The following FAM228B variants were observed in gnomAD, a reference collection of about 807,000 sequenced individuals.
FAM228B encodes protein FAM228B.
Under a neutral mutation model 42.6 loss-of-function variants are expected in FAM228B, and 38 were observed. The ratio of observed to expected loss-of-function variants is 0.89; its 90% CI spans 0.69 to 1.17. The LOEUF (loss-of-function observed/expected upper bound fraction) is 1.17. FAM228B is among the 50% of genes most tolerant of loss of function. The pLI, the probability that FAM228B is intolerant of heterozygous loss-of-function variation, is 0.00. For missense variants in FAM228B, 344 were observed against 367.3 expected (o/e 0.94, Z 0.52); for synonymous variants, 109 against 122.3 (o/e 0.89, Z 0.72).
chr2:24,135,067 C>A, intron 2 of FAM228B, 52 bp from the exon 3 acceptor site: 1 of 1,101,518 alleles, frequency 9.1e-7, no homozygotes, highest in Non-Finnish European at 1.3e-6. Context: ...TTCCAGATAG[C>A]ACTAATAGTT....
intron 2 of FAM228B, among the ~76,000 whole-genome samples, chr2:24,132,660 T>C (rs1220626078): frequency 6.6e-6 from 1 of 152,004 alleles, no homozygotes; most frequent in Non-Finnish European, 1.5e-5. Context: ...CCATTGATTG[T>C]TTTTTTCTTA....
At chr2:24,086,186 G>A (rs896772290) in intron 2 of FAM228B, among the ~76,000 whole-genome samples, 14 of 134,484 alleles carry the variant, frequency 1.0e-4, no homozygotes, top group Admixed American at 2.4e-4. Context: ...AGTGAGCCGA[G>A]ATCGCACCAC....
chr2:24,091,209 G>A (rs905273799), intron 2 of FAM228B, among the ~76,000 whole-genome samples: 11 of 152,120 alleles, frequency 7.2e-5, no homozygotes, highest in Admixed American at 2.6e-4. Flanking sequence ...TTTGGGAGGC[G>A]GATGACGAGG....
At chr2:24,124,297 GA>G in intron 1 of FAM228B, 32 bp from the exon 2 acceptor site, 1 of 1,085,488 alleles carries the variant, frequency 9.2e-7, no homozygotes, top group Non-Finnish European at 1.3e-6. Context: ...AGATGACTGT[GA>G]AATGTTCAAT....
At chr2:24,092,106 TC>T (rs1665403262) in intron 2 of FAM228B, among the ~76,000 whole-genome samples, 1 of 148,446 alleles carries the variant, frequency 6.7e-6, no homozygotes, top group Non-Finnish European at 1.5e-5. Flanking sequence ...TGCCTGTAGT[TC>T]CAGCTACTTG....
At position 24,084,428 on chromosome 2, in the gene FAM228B, T is replaced by A; in HGVS notation, c.-210+3473T>A. 1 of 1,365,996 alleles carries A rather than the reference T, an allele frequency of 7.3e-7. No individual in the cohort carries two copies. The highest frequency in any genetic ancestry group is 9.6e-7 in the Non-Finnish European group (1 of 1,038,114). The allele number at this position is 1,365,996 out of a possible 1,614,324, so 84.6% of individuals were successfully genotyped here. A position where few individuals can be genotyped will look rare whatever the true frequency, so the allele number is the denominator to read the frequency against. Reference sequence around the variant, plus strand: ...GGACAGGACAGGGCAGGGGCCGCTGTATCCTCGCGGAGCAGCCCAGCCTCA... The same window carrying A: ...GGACAGGACAGGGCAGGGGCCGCTGAATCCTCGCGGAGCAGCCCAGCCTCA... On this transcript the variant is annotated intron_variant, in intron 2 of 10. Coordinates refer to the FAM228B transcript ENST00000613899. This position sits in a 1 kb window ranked among gnomAD's most constrained non-coding sequence, Gnocchi z 8.4.
In FAM228B at chr2:24,154,155, A is replaced by AGG. The variant is rs1558392691; in HGVS notation, c.686+7069_686+7070insGG. The stretch of plus-strand genomic sequence containing the variant: ...GCCTCTTTTAGTGATATGAAGTTAA[A>AGG]ACGAGGTACTGTGATTGCTCACCTG... On this transcript the variant is annotated intron_variant, in intron 7 of 10. Coordinates refer to ENST00000615575, the MANE Select transcript of FAM228B (RefSeq NM_001145710.2). Among the ~76,000 whole-genome samples, 14 of 152,346 alleles carry AGG rather than the reference A, an allele frequency of 9.2e-5. 1 individual carries two copies. Among genetic ancestry groups the AGG allele is most frequent in the African/African-American group, 3.4e-4 (14 of 41,580 alleles).
intron 2 of FAM228B, among the ~76,000 whole-genome samples, chr2:24,130,476 G>A (rs919804732): frequency 1.3e-5 from 2 of 152,056 alleles, no homozygotes; most frequent in African/African-American, 2.4e-5. Flanking sequence ...AGCATGTATT[G>A]TTTCTTGACT....
At chr2:24,138,689 C>T (rs139215691) in intron 4 of FAM228B, among the ~76,000 whole-genome samples, 4,395 of 151,208 alleles carry the variant, frequency 0.029, 84 homozygotes, top group African/African-American at 0.055. Context: ...GGGTGTGTGG[C>T]TCACACCTGT....
chr2:24,147,126 C>T, intron 7 of FAM228B, 40 bp downstream of exon 7: 3 of 1,362,386 alleles, frequency 2.2e-6, no homozygotes, highest in Non-Finnish European at 3.0e-6. Context: ...ACCTTTTGGA[C>T]TTTGAAAATT....
In FAM228B at chr2:24,169,409, C is replaced by T. The variant is rs1667516649; in HGVS notation, c.*68C>T. The T allele has an allele frequency of 2.2e-6, 1 of 458,282 alleles. No individual in the cohort carries two copies. Among genetic ancestry groups the T allele is most frequent in the Admixed American group, 2.4e-5 (1 of 42,448 alleles). 28.4% of individuals were successfully genotyped at this position (458,282 alleles called of 1,614,324 possible). A position where few individuals can be genotyped will look rare whatever the true frequency, so the allele number is the denominator to read the frequency against. On this transcript the variant is annotated 3_prime_UTR_variant, in exon 11 of 11. Transcript: ENST00000615575. This position sits in a 1 kb window ranked among gnomAD's most constrained non-coding sequence, Gnocchi z 4.2. ...GATCCTTGATTGGTGAAAGGATACA[C>T]AAAATCAGGCTGCTTCAGAGGAAGT...
At position 24,135,152 on chromosome 2, in the gene FAM228B, C is replaced by T. The variant is rs1385052464; in HGVS notation, c.133C>T (p.Gln45Ter). The T allele has an allele frequency of 6.6e-7, 1 of 1,508,922 alleles. No homozygotes were observed. The allele number at this position is 1,508,922 out of a possible 1,614,324, so 93.5% of individuals were successfully genotyped here. The change falls in exon 3 of 11, where the codon CAA becomes TAA. Residue 45 changes from glutamine to a stop codon, truncating the protein, a stop_gained. Transcript: ENST00000615575. LOFTEE classifies it high-confidence loss of function. ...LAKEDTEAAIQSILYKENSVI... is the reference protein window; with the variant it reads ...LAKEDTEAAI ...TAAAGAAGATACTGAGGCAGCTATTCAATCAATATTATACAAAGAAAATTC... is the reference window on the plus strand; with the variant it reads ...TAAAGAAGATACTGAGGCAGCTATTTAATCAATATTATACAAAGAAAATTC...
intron 2 of FAM228B, among the ~76,000 whole-genome samples, chr2:24,126,005 A>G (rs1193902100): frequency 6.6e-6 from 1 of 152,208 alleles, no homozygotes; most frequent in Non-Finnish European, 1.5e-5. Flanking sequence ...ATGTATCAAT[A>G]CTTCATTCCT....
intron 2 of FAM228B, among the ~76,000 whole-genome samples, chr2:24,090,807 A>T (rs1411241798): frequency 1.3e-5 from 2 of 152,118 alleles, no homozygotes; most frequent in African/African-American, 2.4e-5. Flanking sequence ...GACTTTTTTT[A>T]AAAGACAAGG....
intron 7 of FAM228B, among the ~76,000 whole-genome samples, chr2:24,159,809 C>G (rs149431132): frequency 2.0e-5 from 3 of 152,076 alleles, no homozygotes; most frequent in Non-Finnish European, 4.4e-5. Flanking sequence ...ACAATTATTT[C>G]TCTTAATGTT....
upstream of FAM228B, among the ~76,000 whole-genome samples, chr2:24,121,516 G>T (rs1651302174): frequency 6.6e-6 from 1 of 152,072 alleles, no homozygotes; most frequent in South Asian, 2.1e-4. Flanking sequence ...AATTTTATTG[G>T]AACACAGTCA....
chr2:24,165,015 A>G (rs1042242654), intron 9 of FAM228B, among the ~76,000 whole-genome samples: 96 of 152,330 alleles, frequency 6.3e-4, no homozygotes, highest in African/African-American at 2.3e-3. Flanking sequence ...TGAAATTATT[A>G]GAAATGCTTG....
intron 2 of FAM228B, among the ~76,000 whole-genome samples, chr2:24,093,019 G>T (rs972387039): frequency 6.7e-6 from 1 of 150,234 alleles, no homozygotes; most frequent in African/African-American, 2.4e-5. Flanking sequence ...CCACCACCAT[G>T]GCTCAGGGCT....
intron 8 of FAM228B, 97 bp downstream of exon 8, chr2:24,161,710 G>A: frequency 2.6e-6 from 2 of 769,628 alleles, no homozygotes; most frequent in South Asian, 1.6e-5. Flanking sequence ...AGACGGTGCT[G>A]AGGCACACAC....
Sources: allele counts gnomAD v4.1 joint callset (sites outside exome capture counted in the v4.1 genomes callset), GRCh38; gene constraint gnomAD v4.1.1; non-coding constraint Gnocchi (gnomAD v3.1); transcripts MANE v1.5; gene names NCBI Gene and HGNC (gene_info 2026-07-23, HGNC 2026-07-21).